ABCC9: variants seen among roughly 807,000 people sequenced by gnomAD.
ABCC9 encodes the protein ATP-binding cassette sub-family C member 9.
ABCC9 carries 95 observed loss-of-function variants against 188.3 expected under a neutral mutation model. That is an observed-to-expected ratio of 0.50 (90% CI 0.43 to 0.60). The LOEUF (loss-of-function observed/expected upper bound fraction) is 0.60. Ranked by LOEUF, ABCC9 falls within the 20% of genes least tolerant of loss-of-function variation. The pLI is 0.00. For missense variants in ABCC9, 1,102 were observed against 1,876.3 expected (o/e 0.59, Z 7.62); for synonymous variants, 659 against 652.7 (o/e 1.01, Z -0.15).
chr12:21,857,652 T>C (rs941004623), intron 22 of ABCC9, among the ~76,000 whole-genome samples: 1 of 152,090 alleles, frequency 6.6e-6, no homozygotes, highest in Non-Finnish European at 1.5e-5. Context: ...CAGAAAACTT[T>C]CCCGGCTGTG....
intron 2 of ABCC9, among the ~76,000 whole-genome samples, chr12:21,939,530 A>G (rs1207723259): frequency 6.6e-6 from 1 of 152,138 alleles, no homozygotes; most frequent in East Asian, 1.9e-4. Context: ...ATGTTTGGGG[A>G]AGGGTATAAA....
At chr12:21,885,879 G>A (rs1396168743) in intron 15 of ABCC9, among the ~76,000 whole-genome samples, 1 of 152,050 alleles carries the variant, frequency 6.6e-6, no homozygotes, top group African/African-American at 2.4e-5. Context: ...TTTTAAACAT[G>A]ATTTAAAAAT....
chr12:21,820,272 T>C (rs1942958901), intron 31 of ABCC9, among the ~76,000 whole-genome samples: 2 of 152,212 alleles, frequency 1.3e-5, no homozygotes, highest in South Asian at 4.1e-4. Context: ...GTCATCTGGC[T>C]TCTGAGAAAT....
rs1344311245 is a variant in ABCC9, at chr12:21,848,146, C to G, written c.2866+4G>C. 1.9e-6 allele frequency: 3 copies of G among 1,612,618 alleles called. No individual in the cohort carries two copies. The highest frequency in any genetic ancestry group is 2.5e-6 in the Non-Finnish European group (3 of 1,178,918). On this transcript the variant is annotated splice_donor_region_variant and intron_variant, in intron 25 of 39. Coordinates refer to ENST00000261200, the MANE Select transcript of ABCC9 (RefSeq NM_020297.4). ...ATGTTCCAGATAAAAGAAAAAAGAT[C>G]TACCTTCGTCTTCGTCCTCCATCTG...
intron 6 of ABCC9, among the ~76,000 whole-genome samples, chr12:21,916,160 A>G (rs1441299929): frequency 6.6e-6 from 1 of 152,160 alleles, no homozygotes; most frequent in Non-Finnish European, 1.5e-5. Context: ...TAACCTTTTA[A>G]AAGATAGTTT....
At chr12:21,808,839 T>G (rs963318622) in intron 37 of ABCC9, among the ~76,000 whole-genome samples, 4 of 150,156 alleles carry the variant, frequency 2.7e-5, no homozygotes, top group Non-Finnish European at 3.0e-5. Context: ...AGTTCTGGAA[T>G]TATTTTCACA....
At chr12:21,934,048 CT>C in intron 3 of ABCC9, 125 bp from the exon 4 acceptor site, 1 of 833,124 alleles carries the variant, frequency 1.2e-6, no homozygotes, top group East Asian at 2.7e-5. Flanking sequence ...TTAAAACTTT[CT>C]AGAGTAGCAA....
rs61926078 is a variant in ABCC9 at position 21,852,233 on chromosome 12, C to G, written c.2644-11G>C. The G allele has an allele frequency of 2.1e-5, 34 of 1,613,674 alleles. No homozygotes were observed. The African/African-American group carries it at 3.7e-4, about 18-fold the overall frequency. ...TTTCATGGCTATGATCTAAGGAAAG[C>G]GGATATTCCCAGAAATGTGACGAAA... On this transcript the variant is annotated splice_polypyrimidine_tract_variant and intron_variant, in intron 23 of 39. Coordinates refer to ENST00000261200, the MANE Select transcript of ABCC9 (RefSeq NM_020297.4).
At chr12:21,864,323 A>G (rs1945677086) in intron 19 of ABCC9, 116 bp downstream of exon 19, 2 of 805,974 alleles carry the variant, frequency 2.5e-6, no homozygotes. Flanking sequence ...GAAATATGCT[A>G]GCACACTTTA....
intron 36 of ABCC9, among the ~76,000 whole-genome samples, chr12:21,810,864 C>A (rs1942186955): frequency 6.6e-6 from 1 of 152,130 alleles, no homozygotes; most frequent in Admixed American, 6.6e-5. Context: ...ATCTTACATA[C>A]ATTTTTTCTT....
chr12:21,918,053 A>G (rs1352820678), intron 5 of ABCC9, among the ~76,000 whole-genome samples: 3 of 151,998 alleles, frequency 2.0e-5, no homozygotes, highest in Admixed American at 2.0e-4. Context: ...AGACCAAATT[A>G]TATGCTATCT....
At position 21,818,245 on chromosome 12, in the gene ABCC9, G is replaced by A. The variant is rs749797034; in HGVS notation, c.3676C>T (p.Leu1226=). 4.3e-6 allele frequency: 7 copies of A among 1,613,410 alleles called. No homozygotes were observed. Among genetic ancestry groups the A allele is most frequent in the Non-Finnish European group, 5.9e-6 (7 of 1,179,470 alleles). Residue 1226 remains leucine (L), a synonymous_variant, in exon 32 of 40, where the codon CTG becomes TTG. Coordinates refer to ENST00000261200, the MANE Select transcript of ABCC9 (RefSeq NM_020297.4). ...GCAGTGAGGACAATGCAAGCTCCCA[G>A]ATAATCCTTTGAAAAAGCAAGAGAA... is the stretch of plus-strand genomic sequence containing the variant. ...NRWLEVRTDY[L]GACIVLTASI...
At chr12:21,838,517 A>T (rs953018277) in intron 29 of ABCC9, among the ~76,000 whole-genome samples, 3 of 152,178 alleles carry the variant, frequency 2.0e-5, no homozygotes, top group Non-Finnish European at 4.4e-5. Flanking sequence ...TTTAGGCGAG[A>T]CCTTAAGCTT....
Position 21,842,328 on chromosome 12 carries a change from A to G in ABCC9, c.3459T>C (p.Phe1153=), listed in dbSNP as rs1944434475. Residue 1153 remains phenylalanine, a synonymous_variant, in exon 29 of 40, where the codon TTT becomes TTC. Coordinates refer to ENST00000261200, the MANE Select transcript of ABCC9 (RefSeq NM_020297.4). Reference sequence around the variant, plus strand: ...GTTTTACTTACTTAGAGGCAACCCGAAAGTATTTCTGGATAAAATAAAAGG... The same window carrying G: ...GTTTTACTTACTTAGAGGCAACCCGGAAGTATTTCTGGATAAAATAAAAGG... ...GVAFYFIQKY[F]RVASKDLQEL... is the part of the protein sequence containing the mutation. 1 of 1,613,924 alleles carries G rather than the reference A, an allele frequency of 6.2e-7. No individual in the cohort carries two copies. Among genetic ancestry groups the G allele is most frequent in the African/African-American group, 1.3e-5 (1 of 74,926 alleles).
intron 31 of ABCC9, among the ~76,000 whole-genome samples, chr12:21,818,721 T>C (rs143127157): frequency 4.1e-4 from 62 of 151,158 alleles, no homozygotes; most frequent in Non-Finnish European, 8.0e-4. Context: ...CCCGGTTTTC[T>C]AGCTCAGATT....
chr12:21,838,580 G>A (rs758072548), intron 29 of ABCC9, among the ~76,000 whole-genome samples: 14 of 152,250 alleles, frequency 9.2e-5, no homozygotes, highest in Middle Eastern at 3.4e-3. Context: ...AACAAGCACC[G>A]GTGTCTGAAG....
At chr12:21,857,349 T>C (rs1049367048) in intron 22 of ABCC9, among the ~76,000 whole-genome samples, 7 of 152,200 alleles carry the variant, frequency 4.6e-5, no homozygotes, top group Non-Finnish European at 2.9e-5. Flanking sequence ...ATGACACTAA[T>C]ATTAGAATGT....
rs1410634685 is a variant in ABCC9 at position 21,887,940 on chromosome 12, A to G, written c.1803-6T>C. 1.3e-6 allele frequency: 2 copies of G among 1,599,898 alleles called. No individual in the cohort carries two copies. Among genetic ancestry groups the G allele is most frequent in the African/African-American group, 2.7e-5 (2 of 74,602 alleles). On this transcript the variant is annotated splice_region_variant and splice_polypyrimidine_tract_variant and intron_variant, in intron 14 of 39. Transcript: ENST00000261200. ...ACTCATTCAGCTTTTGAACACTGCAAAAAACAATAAACACAGAATAAGAGT... is the reference window on the plus strand; with the variant it reads ...ACTCATTCAGCTTTTGAACACTGCAGAAAACAATAAACACAGAATAAGAGT...
chr12:21,837,112 A>G (rs1032578504), intron 30 of ABCC9, among the ~76,000 whole-genome samples: 1 of 152,256 alleles, frequency 6.6e-6, no homozygotes, highest in Non-Finnish European at 1.5e-5. Context: ...TGGTGTACAT[A>G]TTAATACCAG....
Sources: gnomAD v4.1 joint callset for allele counts (sites outside exome capture counted in the v4.1 genomes callset) on GRCh38, gnomAD v4.1.1 for gene constraint, MANE v1.5 for transcripts, NCBI Gene and HGNC (gene_info 2026-07-23, HGNC 2026-07-21) for gene names.